PARD3B: variants seen among roughly 807,000 people sequenced by gnomAD.
PARD3B encodes the protein par-3 family cell polarity regulator beta.
PARD3B carries 103 observed loss-of-function variants against 130.2 expected under a neutral mutation model. The observed-to-expected ratio is 0.79, with a 90% CI of 0.67 to 0.93. PARD3B has a LOEUF of 0.93. PARD3B is among the 40% of genes least tolerant of loss of function. PARD3B has a pLI of 0.00. For synonymous variants in PARD3B, 583 were observed against 553.2 expected (o/e 1.05, Z -0.76); for missense variants, 1,609 against 1,499.2 (o/e 1.07, Z -1.21).
At chr2:204,566,539 A>G (rs187088581) in intron 1 of PARD3B, among the ~76,000 whole-genome samples, 3 of 152,274 alleles carry the variant, frequency 2.0e-5, no homozygotes, top group East Asian at 1.9e-4. Flanking sequence ...TTTGTCTTAT[A>G]AAGTTCTCAT....
chr2:205,232,050 A>G (rs535963515), intron 15 of PARD3B, among the ~76,000 whole-genome samples: 1 of 152,384 alleles, frequency 6.6e-6, no homozygotes, highest in Admixed American at 6.5e-5. Flanking sequence ...GTACAGCACA[A>G]TCAGCATAGA....
intron 2 of PARD3B, among the ~76,000 whole-genome samples, chr2:204,735,094 A>C (rs2039688152): frequency 1.3e-5 from 2 of 150,712 alleles, no homozygotes; most frequent in South Asian, 4.1e-4. Context: ...TGATCCAGTC[A>C]AGTGGTTGTC....
At position 205,116,520 on chromosome 2, in the gene PARD3B, C is replaced by T. The variant is rs909447844; in HGVS notation, c.681-2401C>T. On this transcript the variant is annotated intron_variant, in intron 6 of 22. Transcript: ENST00000406610. The surrounding 1 kb of genome is among the most constrained non-coding windows in gnomAD (Gnocchi z 4.5). ...GGCTGTGGATTTCAGCATCCTTTAT[C>T]ACTGTTCATTAATGCAAATTAACTG... Among the ~76,000 whole-genome samples the T allele has an allele frequency of 1.5e-4, 23 of 152,182 alleles. No homozygotes were observed. Among genetic ancestry groups the T allele is most frequent in the Non-Finnish European group, 2.8e-4 (19 of 68,028 alleles).
At chr2:205,480,908 T>A (rs1271233281) in intron 20 of PARD3B, among the ~76,000 whole-genome samples, 3 of 152,178 alleles carry the variant, frequency 2.0e-5, no homozygotes, top group Non-Finnish European at 4.4e-5. Context: ...AGGGAGAATA[T>A]GCCTTGAGAA....
chr2:205,041,625 C>A (rs950618053), intron 3 of PARD3B, among the ~76,000 whole-genome samples: 6 of 152,136 alleles, frequency 3.9e-5, no homozygotes, highest in African/African-American at 1.2e-4. Flanking sequence ...ACCTGCCCCC[C>A]ACCCCGAGAG....
intron 18 of PARD3B, among the ~76,000 whole-genome samples, chr2:205,384,926 A>C (rs189687086): frequency 6.6e-6 from 1 of 152,234 alleles, no homozygotes; most frequent in Admixed American, 6.6e-5. Flanking sequence ...TCTTCCTTTG[A>C]ACTCTAGAAA....
At position 205,124,409 on chromosome 2, in the gene PARD3B, A is replaced by G; in HGVS notation, c.1248A>G (p.Leu416=). 6.2e-7 allele frequency: 1 copy of G among 1,608,112 alleles called. No individual in the cohort carries two copies. The highest frequency in any genetic ancestry group is 8.5e-7 in the Non-Finnish European group (1 of 1,176,924). Residue 416 remains leucine (L), a synonymous_variant, in exon 9 of 23, where the codon TTA becomes TTG. Transcript: ENST00000406610. ...GTCCCATTTTTGTAAAAAACATTTT[A>G]CCAAAGGGAGCAGCAATAAAAGATG... ...GPGPIFVKNI[L]PKGAAIKDGR... is the part of the protein sequence containing the mutation.
intron 2 of PARD3B, among the ~76,000 whole-genome samples, chr2:204,858,340 CTG>C (rs1295734595): frequency 2.0e-5 from 3 of 151,842 alleles, no homozygotes; most frequent in Non-Finnish European, 2.9e-5. Flanking sequence ...GGTAAAGAAA[CTG>C]TGGTGTGTAT....
At chr2:204,659,704 G>T (rs1027870884) in intron 1 of PARD3B, among the ~76,000 whole-genome samples, 22 of 152,160 alleles carry the variant, frequency 1.4e-4, no homozygotes, top group African/African-American at 5.1e-4. Context: ...GGATGTGGTT[G>T]GCACTGTGAT....
intron 21 of PARD3B, among the ~76,000 whole-genome samples, chr2:205,541,441 T>C (rs2052132675): frequency 6.6e-6 from 1 of 150,946 alleles, no homozygotes; most frequent in Non-Finnish European, 1.5e-5. Flanking sequence ...CTCTACCTCC[T>C]GGCTTCAAGC....
rs552294737 is a variant in PARD3B, at chr2:205,457,807, C to T, written c.3044+17135C>T. Among the ~76,000 whole-genome samples, 167 of 152,234 alleles carry T rather than the reference C, an allele frequency of 1.1e-3. 1 individual carries two copies. Among genetic ancestry groups the T allele is most frequent in the Admixed American group, 1.7e-3 (26 of 15,272 alleles). Reference sequence around the variant, plus strand: ...TACTCCTTTGAAGATACAGGTTGAACATTCCAAATCTGAAAATCCATAATC... The same window carrying T: ...TACTCCTTTGAAGATACAGGTTGAATATTCCAAATCTGAAAATCCATAATC... On this transcript the variant is annotated intron_variant, in intron 20 of 22. Transcript: ENST00000406610.
chr2:205,113,146 G>T (rs1219378562), intron 5 of PARD3B, among the ~76,000 whole-genome samples: 1 of 152,110 alleles, frequency 6.6e-6, no homozygotes. Context: ...CAATTTTCAA[G>T]TGTGTTTTAA....
chr2:205,016,180 T>C (rs1295038951), intron 3 of PARD3B, among the ~76,000 whole-genome samples: 1 of 152,198 alleles, frequency 6.6e-6, no homozygotes, highest in African/African-American at 2.4e-5. Flanking sequence ...AAATATAAAA[T>C]ATAAATGTAG....
intron 10 of PARD3B, among the ~76,000 whole-genome samples, chr2:205,133,387 C>G (rs773334478): frequency 9.9e-5 from 15 of 152,166 alleles, no homozygotes; most frequent in Non-Finnish European, 2.1e-4. Flanking sequence ...GTCTTGGCAT[C>G]ACTTGGGGAT....
intron 15 of PARD3B, among the ~76,000 whole-genome samples, chr2:205,217,892 A>ATTTTT (rs1409391243): frequency 3.2e-4 from 9 of 28,062 alleles, no homozygotes; most frequent in African/African-American, 7.3e-4. Context: ...ATATATATAT[A>ATTTTT]TATTTTTTTT....
At chr2:205,371,562 C>A (rs1011333565) in intron 18 of PARD3B, among the ~76,000 whole-genome samples, 3 of 152,168 alleles carry the variant, frequency 2.0e-5, no homozygotes, top group Admixed American at 6.5e-5. Context: ...TCTATATATT[C>A]CAGGATTATC....
intron 18 of PARD3B, among the ~76,000 whole-genome samples, chr2:205,335,661 G>A (rs947735435): frequency 9.2e-5 from 14 of 151,526 alleles, no homozygotes; most frequent in Admixed American, 4.6e-4. Context: ...AAAGAGGTTC[G>A]ATGGACTTAC....
intron 2 of PARD3B, among the ~76,000 whole-genome samples, chr2:204,904,256 C>T (rs898555156): frequency 1.3e-5 from 2 of 152,152 alleles, no homozygotes; most frequent in Non-Finnish European, 2.9e-5. Flanking sequence ...TTAGCTTCAT[C>T]ACTGTTCAAC....
intron 20 of PARD3B, among the ~76,000 whole-genome samples, chr2:205,479,825 G>C (rs2049159231): frequency 1.3e-5 from 2 of 151,458 alleles, no homozygotes; most frequent in Admixed American, 6.6e-5. Flanking sequence ...TATGATCTCA[G>C]TTTTGCCTGT....
Sources: allele counts gnomAD v4.1 joint callset (sites outside exome capture counted in the v4.1 genomes callset), GRCh38; gene constraint gnomAD v4.1.1; non-coding constraint Gnocchi (gnomAD v3.1); transcripts MANE v1.5; gene names NCBI Gene and HGNC (gene_info 2026-07-23, HGNC 2026-07-21).